PARP4: variants seen among roughly 807,000 people sequenced by gnomAD.
PARP4 encodes protein mono-ADP-ribosyltransferase PARP4.
In PARP4, 120 loss-of-function variants were observed where a neutral mutation model predicts 187.7. That is an observed-to-expected ratio of 0.64 (90% CI 0.55 to 0.74). PARP4 has a LOEUF of 0.74. Ranked by LOEUF, PARP4 falls within the 30% of genes least tolerant of loss-of-function variation. The probability of loss-of-function intolerance (pLI) is 0.00; values close to 1 mark genes in which losing one functional copy is unlikely to be tolerated. For synonymous variants in PARP4, 654 were observed against 740.9 expected (o/e 0.88, Z 1.90); for missense variants, 1,836 against 2,070.5 (o/e 0.89, Z 2.20).
At chr13:24,426,956 C>G (rs563880002) in intron 32 of PARP4, among the ~76,000 whole-genome samples, 1 of 149,572 alleles carries the variant, frequency 6.7e-6, no homozygotes, top group Non-Finnish European at 1.5e-5. Context: ...ATGAGCAGAT[C>G]GTGAAACTCT....
intron 33 of PARP4, among the ~76,000 whole-genome samples, chr13:24,424,695 G>A (rs1198634823): frequency 7.5e-5 from 8 of 106,032 alleles, no homozygotes; most frequent in East Asian, 2.8e-4. Flanking sequence ...TTTTTGAGAC[G>A]GAGTCTCACT....
At chr13:24,460,368 T>C (rs1344692300) in intron 17 of PARP4, among the ~76,000 whole-genome samples, 2 of 152,062 alleles carry the variant, frequency 1.3e-5, no homozygotes, top group African/African-American at 4.8e-5. Context: ...AGGGGCCCCC[T>C]TGGCAGCGGA....
intron 33 of PARP4, among the ~76,000 whole-genome samples, chr13:24,422,443 G>A (rs1264626113): frequency 6.6e-6 from 1 of 152,108 alleles, no homozygotes; most frequent in Non-Finnish European, 1.5e-5. Flanking sequence ...AACTGGCTTT[G>A]AATATTTTTA....
rs1233408179 is a variant in PARP4 at position 24,434,525 on chromosome 13, T to C, written c.4616A>G (p.Gln1539Arg). ...SEVLQDSCFL[Q>R]IKCDTKDDSI... The stretch of plus-strand genomic sequence containing the variant: ...GTCATCTTTTGTATCACATTTTATT[T>C]GTAAAAAGCAGCTGTCTTGAAGTAC... The change falls in exon 31 of 34, where the codon CAA (glutamine) becomes CGA (arginine). Residue 1539 changes from glutamine to arginine, a missense_variant. Physicochemically the swap from Gln to Arg is conservative, Grantham distance 43 (BLOSUM62 1). Coordinates refer to ENST00000381989, the MANE Select transcript of PARP4 (RefSeq NM_006437.4). 2.5e-6 allele frequency: 4 copies of C among 1,614,016 alleles called. No homozygotes were observed. Among genetic ancestry groups the C allele is most frequent in the Non-Finnish European group, 3.4e-6 (4 of 1,179,882 alleles).
chr13:24,460,566 C>T (rs1250634494), intron 17 of PARP4, among the ~76,000 whole-genome samples: 3 of 151,408 alleles, frequency 2.0e-5, no homozygotes, highest in African/African-American at 7.3e-5. Context: ...GAAGACCCTC[C>T]CTGACCTCCA....
rs147365551 is a variant in PARP4, at chr13:24,498,214, C to T, written c.493G>A (p.Gly165Ser). ...NTLEKVGMEG[G>S]QEAVVVELQC... Reference sequence around the variant, plus strand: ...AGCTCCACCACCACAGCTTCCTGGCCTCCCTCCATTCCCACCTGGAAAACA... The same window carrying T: ...AGCTCCACCACCACAGCTTCCTGGCTTCCCTCCATTCCCACCTGGAAAACA... The change falls in exon 6 of 34, where the codon GGC becomes AGC. Residue 165 changes from glycine (G) to serine (S), a missense_variant. Gly to Ser is a moderately conservative substitution (Grantham distance 56, BLOSUM62 0). This residue lies in a region of PARP4 where 1,147 missense variants were observed against 1,214.2 expected (regional missense o/e 0.94). Coordinates refer to ENST00000381989, the MANE Select transcript of PARP4 (RefSeq NM_006437.4). The T allele has an allele frequency of 5.6e-6, 9 of 1,612,604 alleles. No individual in the cohort carries two copies. In the African/African-American group the frequency reaches 1.1e-4, roughly 19 times the overall value.
intron 15 of PARP4, among the ~76,000 whole-genome samples, chr13:24,471,485 A>G (rs1458334285): frequency 5.3e-5 from 8 of 152,202 alleles, no homozygotes; most frequent in Non-Finnish European, 8.8e-5. Flanking sequence ...ACAATGTAAC[A>G]AATTTTGACA....
chr13:24,424,439 T>C (rs1356155112), intron 33 of PARP4, among the ~76,000 whole-genome samples: 1 of 152,176 alleles, frequency 6.6e-6, no homozygotes, highest in African/African-American at 2.4e-5. Flanking sequence ...ATTTCCATGG[T>C]GTCAAGTAAC....
In PARP4 at chr13:24,483,536, G is replaced by T. The variant is rs367558200; in HGVS notation, c.1448+1117C>A. 1.0e-4 allele frequency among the ~76,000 whole-genome samples: 15 copies of T among 150,490 alleles called. No individual in the cohort carries two copies. The South Asian group carries it at 1.5e-3, about 15-fold the overall frequency. On this transcript the variant is annotated intron_variant, in intron 12 of 33. Transcript: ENST00000381989. ...TTTTTTTTAGAGATGGGGTCTTGTT[G>T]TGTTGCCTAGGCTAATCTCAACCTC...
At chr13:24,471,130 G>A (rs1398748722) in intron 15 of PARP4, among the ~76,000 whole-genome samples, 1 of 152,232 alleles carries the variant, frequency 6.6e-6, no homozygotes, top group South Asian at 2.1e-4. Flanking sequence ...CTGGGGGGAC[G>A]TCAGACACTG....
At position 24,478,231 on chromosome 13, in the gene PARP4, T is replaced by C; in HGVS notation, c.1494A>G (p.Arg498=). 1 of 1,612,310 alleles carries C rather than the reference T, an allele frequency of 6.2e-7. No homozygotes were observed. The highest frequency in any genetic ancestry group is 2.2e-5 in the East Asian group (1 of 44,814). ...YSHPGETDGT[R]LLLICDVALG... is the part of the protein sequence containing the mutation. ...GGGCTACGTCACAAATGAGCAGGAG[T>C]CTGGTGCCATCTGTCTCTCCCGGGT... Residue 498 remains arginine, a synonymous_variant, in exon 13 of 34, where the codon AGA becomes AGG. Transcript: ENST00000381989.
Position 24,463,205 on chromosome 13 carries a change from T to G in PARP4, c.2134-3069A>C, listed in dbSNP as rs193105555. On this transcript the variant is annotated intron_variant, in intron 17 of 33. Transcript: ENST00000381989. ...AGCTGACTTCTGCTCAGAAACCATA[T>G]AAGCCAGAAGACAATGAAGTTAACA... Among the ~76,000 whole-genome samples the G allele has an allele frequency of 5.5e-3, 840 of 152,162 alleles. 7 individuals carry two copies. Among genetic ancestry groups the G allele is most frequent in the African/African-American group, 0.019 (803 of 41,520 alleles).
chr13:24,439,076 C>T (rs577414585), intron 30 of PARP4, among the ~76,000 whole-genome samples: 121 of 152,238 alleles, frequency 7.9e-4, no homozygotes, highest in African/African-American at 2.6e-3. Flanking sequence ...TAAGATCCAA[C>T]GTATTTGCAA....
rs565778001 is a variant in PARP4 at position 24,455,279 on chromosome 13, A to G, written c.2563-67T>C. 54 of 1,161,686 alleles carry G rather than the reference A, an allele frequency of 4.6e-5. No homozygotes were observed. The South Asian group carries it at 9.4e-4, about 20-fold the overall frequency. The allele number at this position is 1,161,686 out of a possible 1,614,324, so 72.0% of individuals were successfully genotyped here. Reference sequence around the variant, plus strand: ...CTTCAACTGCAAAAGGTCTACTTAGAAAACTCCAAAACTTTCTAGTGAGGT... The same window carrying G: ...CTTCAACTGCAAAAGGTCTACTTAGGAAACTCCAAAACTTTCTAGTGAGGT... On this transcript the variant is annotated intron_variant, in intron 21 of 33. Transcript: ENST00000381989.
At chr13:24,460,457 C>CTCTGCTGCATGGGTGGGCTCTGCTGCAT (rs1872158537) in intron 17 of PARP4, among the ~76,000 whole-genome samples, 1 of 119,930 alleles carries the variant, frequency 8.3e-6, no homozygotes, top group Non-Finnish European at 1.9e-5. Context: ...CTCTGCTGCA[C>CTCTGCTGCATGGGTGGGCTCTGCTGCAT]GGGTGGGCTC....
intron 18 of PARP4, among the ~76,000 whole-genome samples, 166 bp downstream of exon 18, chr13:24,459,806 T>C (rs942113835): frequency 1.8e-4 from 28 of 152,354 alleles, no homozygotes; most frequent in African/African-American, 6.5e-4. Context: ...TTTATTCTTT[T>C]CATTTTATAC....
Position 24,490,675 on chromosome 13 carries a change from G to T in PARP4, c.1207C>A (p.His403Asn), listed in dbSNP as rs1868590861. ...LRVRKEVLQNHHSKSPVDVLQ... is the reference protein window; with the variant it reads ...LRVRKEVLQNNHSKSPVDVLQ... The stretch of plus-strand genomic sequence containing the variant: ...TATTTCCTTTATGCTTACCTGTGAT[G>T]ATTCTGCAAAACCTCTTTTCTAACC... The change falls in exon 10 of 34, where the codon CAT becomes AAT. Residue 403 changes from histidine to asparagine, a missense_variant. Physicochemically the swap from His to Asn is moderately conservative, Grantham distance 68. Coordinates refer to ENST00000381989, the MANE Select transcript of PARP4 (RefSeq NM_006437.4). 1 of 1,612,358 alleles carries T rather than the reference G, an allele frequency of 6.2e-7. No homozygotes were observed. The highest frequency in any genetic ancestry group is 1.3e-5 in the African/African-American group (1 of 74,892).
intron 25 of PARP4, among the ~76,000 whole-genome samples, chr13:24,449,051 C>T (rs949835536): frequency 3.3e-5 from 5 of 152,274 alleles, no homozygotes; most frequent in East Asian, 1.9e-4. Context: ...GATGGTTGCA[C>T]AGCATTGTGA....
In PARP4 at chr13:24,446,737, C is replaced by T; in HGVS notation, c.3310G>A (p.Glu1104Lys). The T allele has an allele frequency of 6.3e-7, 1 of 1,599,072 alleles. No homozygotes were observed. Among genetic ancestry groups the T allele is most frequent in the South Asian group, 1.1e-5 (1 of 90,732 alleles). The change falls in exon 27 of 34, where the codon GAG becomes AAG. Residue 1104 changes from glutamate to lysine, a missense_variant. Glu to Lys is a moderately conservative substitution (Grantham distance 56). Transcript: ENST00000381989. ...GACACCATTGTACGAAATTCTTTCT[C>T]TTGAATTAGTGCACACAGAGTTGCC... ...TQATLCALIQ[E>K]KEFRTMVSTT...
Sources: gnomAD v4.1 joint callset for allele counts (sites outside exome capture counted in the v4.1 genomes callset) on GRCh38, gnomAD v4.1.1 for gene constraint, gnomAD v4.1.1 regional missense constraint, MANE v1.5 for transcripts, NCBI Gene and HGNC (gene_info 2026-07-23, HGNC 2026-07-21) for gene names.